The following WWOX variants were observed in gnomAD, a reference collection of about 807,000 sequenced individuals.
The protein encoded by WWOX is WW domain containing oxidoreductase, also known as WW domain-containing oxidoreductase.
A neutral mutation model predicts 46.2 loss-of-function variants in WWOX; 69 were observed. The ratio of observed to expected loss-of-function variants is 1.49; its 90% confidence interval spans 1.23 to 1.82. The LOEUF is 1.82. Ranked by LOEUF, WWOX falls within the 40% of genes most tolerant of loss-of-function variation. The probability of loss-of-function intolerance (pLI) is 0.00; values close to 1 mark genes in which losing one functional copy is unlikely to be tolerated. For missense variants in WWOX, 919 were observed against 542.6 expected (o/e 1.69, Z -6.89); for synonymous variants, 359 against 202.6 (o/e 1.77, Z -6.56).
intron 8 of WWOX, among the ~76,000 whole-genome samples, chr16:78,867,159 G>C (rs1197373853): frequency 1.3e-5 from 2 of 152,098 alleles, no homozygotes; most frequent in African/African-American, 4.8e-5. Context: ...AAGAAAAGTG[G>C]AGAAGATGAG....
rs186590447 is a variant in WWOX, at chr16:78,826,635, C to T, written c.1057-384973C>T. On this transcript the variant is annotated intron_variant, in intron 8 of 8. Coordinates refer to ENST00000566780, the MANE Select transcript of WWOX (RefSeq NM_016373.4). Reference sequence around the variant, plus strand: ...GTTTTTGGATTTAGGGTCTTCCTGGCTGATCTCATGTCAAGATCCGTAACT... The same window carrying T: ...GTTTTTGGATTTAGGGTCTTCCTGGTTGATCTCATGTCAAGATCCGTAACT... Among the ~76,000 whole-genome samples, 5 of 152,184 alleles carry T rather than the reference C, an allele frequency of 3.3e-5. No individual in the cohort carries two copies. In the East Asian group the frequency reaches 9.6e-4, roughly 29 times the overall value.
intron 8 of WWOX, among the ~76,000 whole-genome samples, chr16:78,861,755 A>G (rs1031424168): frequency 9.9e-5 from 15 of 152,004 alleles, no homozygotes; most frequent in Admixed American, 7.9e-4. Flanking sequence ...CCTTCTTTTG[A>G]TTTTTCAAAA....
At chr16:79,140,903 G>A (rs556130786) in intron 8 of WWOX, among the ~76,000 whole-genome samples, 2 of 152,158 alleles carry the variant, frequency 1.3e-5, no homozygotes, top group African/African-American at 4.8e-5. Context: ...CTGTTGGGAA[G>A]GATGCTGATG....
intron 5 of WWOX, among the ~76,000 whole-genome samples, chr16:78,382,940 C>A (rs767289018): frequency 6.6e-6 from 1 of 151,788 alleles, no homozygotes; most frequent in African/African-American, 2.4e-5. Context: ...TCATGTTCTG[C>A]TTCTGGATAG....
Position 78,164,243 on chromosome 16 carries a change from A to T in WWOX, c.470A>T (p.Asn157Ile), listed in dbSNP as rs2034893889. The change falls in exon 5 of 9, where the codon AAC becomes ATC. Residue 157 changes from asparagine to isoleucine, a missense_variant. Transcript: ENST00000566780. ...GCACATGTGATCTTGGCCTGCAGGA[A>T]CATGGCAAGGGCGAGTGAAGCAGTG... ...HGAHVILACR[N>I]MARASEAVSR... 6.2e-7 allele frequency: 1 copy of T among 1,614,192 alleles called. No homozygotes were observed.
chr16:78,882,586 C>G (rs1319252852), intron 8 of WWOX, among the ~76,000 whole-genome samples: 1 of 151,290 alleles, frequency 6.6e-6, no homozygotes, highest in Non-Finnish European at 1.5e-5. Context: ...AAGTGATCCT[C>G]TCTCCTCGCC....
intron 8 of WWOX, among the ~76,000 whole-genome samples, chr16:78,546,283 C>T (rs780125057): frequency 6.6e-6 from 1 of 152,046 alleles, no homozygotes; most frequent in Non-Finnish European, 1.5e-5. Context: ...TGAAAGGGAA[C>T]AGAAGGGGGT....
At chr16:78,572,955 T>A (rs530720468) in intron 8 of WWOX, among the ~76,000 whole-genome samples, 2 of 152,114 alleles carry the variant, frequency 1.3e-5, no homozygotes, top group East Asian at 1.9e-4. Context: ...GTGGCACATA[T>A]CACATAATCT....
intron 8 of WWOX, among the ~76,000 whole-genome samples, chr16:78,974,626 GT>G (rs1211439275): frequency 5.9e-5 from 9 of 152,218 alleles, no homozygotes; most frequent in African/African-American, 2.2e-4. Context: ...AATATTACAC[GT>G]AGCAAATGTC....
intron 8 of WWOX, among the ~76,000 whole-genome samples, chr16:78,761,706 T>C (rs1597567199): frequency 6.6e-6 from 1 of 152,216 alleles, no homozygotes; most frequent in Non-Finnish European, 1.5e-5. Flanking sequence ...TTTGAAGCTC[T>C]CCTTTGTGGC....
chr16:79,136,785 C>G (rs951815679), intron 8 of WWOX, among the ~76,000 whole-genome samples: 2 of 152,272 alleles, frequency 1.3e-5, no homozygotes, highest in Middle Eastern at 3.4e-3. Flanking sequence ...CAACAAAATT[C>G]AATAGGCACA....
At chr16:78,157,482 C>G (rs1369423837) in intron 4 of WWOX, among the ~76,000 whole-genome samples, 1 of 152,152 alleles carries the variant, frequency 6.6e-6, no homozygotes, top group Non-Finnish European at 1.5e-5. Flanking sequence ...GGAGATACAG[C>G]TTCAAAAACC....
chr16:78,422,822 CACACATAT>C, intron 6 of WWOX, among the ~76,000 whole-genome samples: 1 of 124,888 alleles, frequency 8.0e-6, no homozygotes, highest in African/African-American at 3.6e-5. Flanking sequence ...TATATATACA[CACACATAT>C]ATATATATAC....
chr16:78,704,001 G>C (rs2048280448), intron 8 of WWOX, among the ~76,000 whole-genome samples: 1 of 152,054 alleles, frequency 6.6e-6, no homozygotes, highest in Non-Finnish European at 1.5e-5. Flanking sequence ...GGCATAAAAG[G>C]GCATTCCTGT....
intron 8 of WWOX, among the ~76,000 whole-genome samples, chr16:78,884,442 G>A (rs1014528104): frequency 1.3e-4 from 20 of 152,074 alleles, no homozygotes; most frequent in Non-Finnish European, 2.6e-4. Context: ...AAACCACCCA[G>A]ATATCTATCA....
At chr16:78,322,328 C>T (rs1302743120) in intron 5 of WWOX, among the ~76,000 whole-genome samples, 2 of 152,090 alleles carry the variant, frequency 1.3e-5, no homozygotes, top group Admixed American at 6.5e-5. Flanking sequence ...CTTTGACTCC[C>T]TTTGTAATGT....
intron 8 of WWOX, among the ~76,000 whole-genome samples, chr16:78,530,221 C>G (rs187133262): frequency 1.1e-4 from 16 of 152,272 alleles, no homozygotes; most frequent in East Asian, 9.7e-4. Context: ...ACAGTCAGTG[C>G]TCTTTTAGTT....
chr16:79,031,909 T>TAGATATCTATATAC (rs1567501264), intron 8 of WWOX, among the ~76,000 whole-genome samples: 49 of 69,582 alleles, frequency 7.0e-4, no homozygotes, highest in African/African-American at 1.5e-3. Flanking sequence ...TCTATATATA[T>TAGATATCTATATAC]AGATATCTAT....
chr16:78,461,999 A>G (rs950043467), intron 8 of WWOX, among the ~76,000 whole-genome samples: 1 of 152,224 alleles, frequency 6.6e-6, no homozygotes. Flanking sequence ...ATTTTGCTAC[A>G]ATTAAACTCC....
Sources: allele counts gnomAD v4.1 joint callset (sites outside exome capture counted in the v4.1 genomes callset), GRCh38; gene constraint gnomAD v4.1.1; transcripts MANE v1.5; gene names NCBI Gene and HGNC (gene_info 2026-07-23, HGNC 2026-07-21).